The following POPDC2 variants were observed in gnomAD, a reference collection of about 807,000 sequenced individuals.
POPDC2 encodes popeye domain-containing protein 2.
In POPDC2, 24 loss-of-function variants were observed where a neutral mutation model predicts 30.5. That is an observed-to-expected ratio of 0.79 (90% CI 0.57 to 1.11). The LOEUF is 1.11. Ranked by LOEUF, POPDC2 falls within the 50% of genes least tolerant of loss-of-function variation. The pLI, the probability that POPDC2 is intolerant of heterozygous loss-of-function variation, is 0.00. For synonymous variants in POPDC2, 185 were observed against 183.3 expected, an observed-to-expected ratio of 1.01 and a Z score of -0.07; for missense variants, 409 against 447.0, an observed-to-expected ratio of 0.91 and a Z score of 0.77.
At chr3:119,652,556 C>T (rs981095798) in intron 2 of POPDC2, among the ~76,000 whole-genome samples, 2 of 152,202 alleles carry the variant, frequency 1.3e-5, no homozygotes, top group African/African-American at 4.8e-5. Flanking sequence ...TGTGAGGTTA[C>T]AGCCCTTCCT....
intron 2 of POPDC2, among the ~76,000 whole-genome samples, chr3:119,651,353 A>G (rs1375313015): frequency 8.6e-6 from 1 of 116,552 alleles, no homozygotes; most frequent in East Asian, 2.6e-4. Flanking sequence ...TCTCCCTTGC[A>G]CTACTCTAGG....
Position 119,648,100 on chromosome 3 carries a change from C to A in POPDC2, c.*43+19G>T. The A allele has an allele frequency of 7.0e-7, 1 of 1,436,708 alleles. No homozygotes were observed. The highest frequency in any genetic ancestry group is 2.5e-5 in the East Asian group (1 of 39,810). The allele number at this position is 1,436,708 out of a possible 1,614,324, so 89.0% of individuals were successfully genotyped here. A position where few individuals can be genotyped will look rare whatever the true frequency, so the allele number is the denominator to read the frequency against. On this transcript the variant is annotated intron_variant, in intron 3 of 3. Coordinates refer to ENST00000493094, the MANE Select transcript of POPDC2 (RefSeq NM_001369919.2). ...AGCCATTGACAGGAATGTGCAGCGG[C>A]TGCCTTCTGAGTACTTACATAGGAT...
intron 1 of POPDC2, among the ~76,000 whole-genome samples, chr3:119,657,600 A>T (rs376092442): frequency 6.6e-6 from 1 of 152,246 alleles, no homozygotes; most frequent in Non-Finnish European, 1.5e-5. Context: ...AAGCTTCCAT[A>T]GCAAAGGAAG....
Position 119,648,601 on chromosome 3 carries a change from A to G in POPDC2, c.668T>C (p.Leu223Pro), listed in dbSNP as rs144452223. 9.3e-6 allele frequency: 15 copies of G among 1,614,192 alleles called. No homozygotes were observed. Among genetic ancestry groups the G allele is most frequent in the East Asian group, 4.5e-5 (2 of 44,890 alleles). ...SWPRKSLHLL[L>P]TKERYISCLF... ...GCAGGAGATGTATCGCTCTTTGGTC[A>G]GAAGAAGATGGAGACTTTTCCGGGG... The change falls in exon 3 of 4, where the codon CTG (leucine) becomes CCG (proline). Residue 223 changes from leucine to proline, a missense_variant. Transcript: ENST00000493094.
chr3:119,651,717 T>G (rs1030001474), intron 2 of POPDC2, among the ~76,000 whole-genome samples: 1 of 145,498 alleles, frequency 6.9e-6, no homozygotes, highest in Non-Finnish European at 1.5e-5. Context: ...CTCACTGCAA[T>G]GTCCACCTCC....
At chr3:119,648,780 T>A in intron 2 of POPDC2, 112 bp from the exon 3 acceptor site, 2 of 931,496 alleles carry the variant, frequency 2.1e-6, no homozygotes, top group Non-Finnish European at 3.2e-6. Context: ...CTGAAGAAGC[T>A]GTGTGGGAGT....
chr3:119,653,924 T>G (rs920358372), intron 2 of POPDC2, among the ~76,000 whole-genome samples: 6 of 152,160 alleles, frequency 3.9e-5, no homozygotes, highest in Non-Finnish European at 7.4e-5. Context: ...CAGCAAGATG[T>G]GCACCAGTTA....
At chr3:119,653,819 C>T (rs1459653945) in intron 2 of POPDC2, among the ~76,000 whole-genome samples, 1 of 152,172 alleles carries the variant, frequency 6.6e-6, no homozygotes, top group African/African-American at 2.4e-5. Flanking sequence ...AGGTACTTTC[C>T]TTTAGAGTCT....
chr3:119,644,339 A>G (rs994192990), intron 3 of POPDC2, among the ~76,000 whole-genome samples: 3 of 152,230 alleles, frequency 2.0e-5, no homozygotes, highest in African/African-American at 7.2e-5. Flanking sequence ...CATTTCTAGA[A>G]GATAAGTCCC....
At chr3:119,651,254 C>T (rs933689971) in intron 2 of POPDC2, among the ~76,000 whole-genome samples, 1 of 152,154 alleles carries the variant, frequency 6.6e-6, no homozygotes. Context: ...ATTCACAGAC[C>T]TCACCTGTCA....
rs750557138 is a variant in POPDC2 at position 119,660,019 on chromosome 3, C to T, written c.405G>A (p.Glu135=). Residue 135 remains glutamate (E), a synonymous_variant, in exon 1 of 4, where the codon GAG becomes GAA. Coordinates refer to ENST00000493094, the MANE Select transcript of POPDC2 (RefSeq NM_001369919.2). The part of the protein sequence containing the change: ...TYKEIVHCCE[E]QVLTLATEQT... ...GTTCAGTGGCCAGAGTTAAGACCTG[C>T]TCCTCGCAGCAGTGAACAATCTCCT... 8 of 1,614,072 alleles carry T rather than the reference C, an allele frequency of 5.0e-6. No individual in the cohort carries two copies. The highest frequency in any genetic ancestry group is 1.1e-5 in the South Asian group (1 of 91,088).
intron 1 of POPDC2, among the ~76,000 whole-genome samples, chr3:119,658,341 C>T (rs1051263526): frequency 6.6e-6 from 1 of 152,188 alleles, no homozygotes; most frequent in Admixed American, 6.5e-5. Flanking sequence ...CCTTTTGATG[C>T]TAAGTATACC....
chr3:119,645,849 C>T (rs1418302750), intron 3 of POPDC2, among the ~76,000 whole-genome samples: 1 of 152,210 alleles, frequency 6.6e-6, no homozygotes, highest in African/African-American at 2.4e-5. Flanking sequence ...AAAAACTTAT[C>T]CTTGCCTTCT....
At chr3:119,655,252 CGGGGGTGGAG>C (rs2052866717) in intron 1 of POPDC2, among the ~76,000 whole-genome samples, 1 of 151,318 alleles carries the variant, frequency 6.6e-6, no homozygotes, top group Admixed American at 6.6e-5. Context: ...CACTTGAACT[CGGGGGTGGAG>C]GTTGCAGTGA....
intron 1 of POPDC2, 135 bp downstream of exon 1, chr3:119,659,798 T>C (rs368937195): frequency 8.4e-7 from 1 of 1,195,862 alleles, no homozygotes. Flanking sequence ...TTTTGGTTTG[T>C]TTGACTTGTC....
chr3:119,659,974 ACCCT>A lies in POPDC2; in HGVS notation c.446_449del (p.Glu149ValfsTer18). 1 of 1,605,022 alleles carries A rather than the reference ACCCT, an allele frequency of 6.2e-7. No homozygotes were observed. Among genetic ancestry groups the A allele is most frequent in the Non-Finnish European group, 8.5e-7 (1 of 1,172,690 alleles). On this transcript the variant is annotated frameshift_variant, in exon 1 of 4. Transcript: ENST00000493094. LOFTEE classifies it high-confidence loss of function. ...GGGACAGGCGGTTGATGGGTGTCTC[ACCCT>A]CCACAGCATAGGTCTGTTCAGTGGC... is the stretch of plus-strand genomic sequence containing the variant.
chr3:119,646,971 T>C (rs146536752), intron 3 of POPDC2, among the ~76,000 whole-genome samples: 6 of 152,302 alleles, frequency 3.9e-5, no homozygotes, highest in East Asian at 3.9e-4. Flanking sequence ...GGGTGTTAGA[T>C]TGATCCTTGG....
intron 3 of POPDC2, among the ~76,000 whole-genome samples, chr3:119,645,784 C>T (rs2052739579): frequency 1.3e-5 from 2 of 152,120 alleles, no homozygotes. Context: ...ACTCAGATGT[C>T]CTGGGGCTTG....
At position 119,646,668 on chromosome 3, in the gene POPDC2, A is replaced by T. The variant is rs1179671514; in HGVS notation, c.*43+1451T>A. On this transcript the variant is annotated intron_variant, in intron 3 of 3. Coordinates refer to ENST00000493094, the MANE Select transcript of POPDC2 (RefSeq NM_001369919.2). ...AAAGAAAAGGAAAAAAGAACAGAAC[A>T]TCAAACTGAGGCAATCAAGGACTGA... is the stretch of plus-strand genomic sequence containing the variant. Among the ~76,000 whole-genome samples the T allele has an allele frequency of 5.3e-5, 8 of 152,154 alleles. No homozygotes were observed. In the South Asian group the frequency reaches 1.7e-3, roughly 32 times the overall value.
Sources: allele counts gnomAD v4.1 joint callset (sites outside exome capture counted in the v4.1 genomes callset), GRCh38; gene constraint gnomAD v4.1.1; transcripts MANE v1.5; gene names NCBI Gene and HGNC (gene_info 2026-07-23, HGNC 2026-07-21).